Variants in EIF2AK4 observed in about 807,000 individuals in gnomAD.
The protein encoded by EIF2AK4 is eukaryotic translation initiation factor 2 alpha kinase 4.
Under a neutral mutation model 211.1 loss-of-function variants are expected in EIF2AK4, and 139 were observed. The ratio of observed to expected loss-of-function variants is 0.66; its 90% confidence interval spans 0.57 to 0.76. EIF2AK4 has a LOEUF of 0.76. Ranked by LOEUF, EIF2AK4 falls within the 30% of genes least tolerant of loss-of-function variation. EIF2AK4 has a pLI of 0.00. For synonymous variants in EIF2AK4, 710 were observed against 751.3 expected (o/e 0.94, Z 0.90); for missense variants, 1,664 against 2,043.8 (o/e 0.81, Z 3.58).
chr15:40,019,286 G>C (rs2035351578), intron 30 of EIF2AK4, 86 bp downstream of exon 30: 1 of 1,020,024 alleles, frequency 9.8e-7, no homozygotes, highest in African/African-American at 1.7e-5. Context: ...CATTTACATG[G>C]GGCTTCTGAT....
At chr15:40,022,775 C>T (rs1406026111) in intron 32 of EIF2AK4, among the ~76,000 whole-genome samples, 170 bp downstream of exon 32, 3 of 152,044 alleles carry the variant, frequency 2.0e-5, no homozygotes, top group African/African-American at 7.2e-5. Flanking sequence ...TCGCTGTCTC[C>T]CAGGCTGGAG....
At chr15:40,032,689 C>G in intron 36 of EIF2AK4, 68 bp from the exon 37 acceptor site, 1 of 1,437,438 alleles carries the variant, frequency 7.0e-7, no homozygotes, top group Non-Finnish European at 9.7e-7. Context: ...CTGCATTTCA[C>G]GTGACACTAT....
chr15:40,019,390 A>G (rs533316552), intron 30 of EIF2AK4, among the ~76,000 whole-genome samples, 190 bp downstream of exon 30: 1 of 152,318 alleles, frequency 6.6e-6, no homozygotes, highest in East Asian at 1.9e-4. Context: ...AGTCCTTATC[A>G]TCTGTTCTCT....
At position 39,981,988 on chromosome 15, in the gene EIF2AK4, G is replaced by A. The variant is rs546646962; in HGVS notation, c.2320-3817G>A. Among the ~76,000 whole-genome samples the A allele has an allele frequency of 1.3e-3, 194 of 146,148 alleles. 1 individual carries two copies. The South Asian group carries it at 0.04, about 30-fold the overall frequency. On this transcript the variant is annotated intron_variant, in intron 13 of 38. Coordinates refer to ENST00000263791, the MANE Select transcript of EIF2AK4 (RefSeq NM_001013703.4). ...CGCCCAGGCTGGAGTGCAGTGGCAC[G>A]ATCTCGGCTCACTGCAAGCTCCGCC...
chr15:39,954,079 C>A, intron 5 of EIF2AK4, 95 bp downstream of exon 5: 3 of 1,030,822 alleles, frequency 2.9e-6, no homozygotes, highest in Non-Finnish European at 4.0e-6. Flanking sequence ...AGTAATACAG[C>A]TTAAAATAAA....
Position 39,955,753 on chromosome 15 carries a change from C to A in EIF2AK4, c.728C>A (p.Ser243Tyr). The A allele has an allele frequency of 6.2e-7, 1 of 1,610,674 alleles. No individual in the cohort carries two copies. The highest frequency in any genetic ancestry group is 8.5e-7 in the Non-Finnish European group (1 of 1,179,062). Residue 243 changes from serine (S) to tyrosine (Y), a missense_variant, in exon 6 of 39, where the codon TCC becomes TAC. Physicochemically the swap from Ser to Tyr is moderately radical, Grantham distance 144 (BLOSUM62 -2). Around this residue, in one of 7 missense-constraint regions of EIF2AK4, gnomAD observed 641 missense variants for 729.6 expected, o/e 0.88. Coordinates refer to ENST00000263791, the MANE Select transcript of EIF2AK4 (RefSeq NM_001013703.4). ...FVGNGKHRAN[S>Y]SGRSRRERQY... ...GGAAATGGTAAACATCGGGCAAACT[C>A]CTCAGGAAGGTCTAGGTAAGTCCCT...
intron 32 of EIF2AK4, among the ~76,000 whole-genome samples, chr15:40,025,454 G>C (rs1595437034): frequency 6.6e-6 from 1 of 152,192 alleles, no homozygotes; most frequent in Non-Finnish European, 1.5e-5. Flanking sequence ...CCTAGGCCAA[G>C]GTTGGGTGCT....
Position 40,034,239 on chromosome 15 carries a change from G to T in EIF2AK4, c.4774-87G>T. Reference sequence around the variant, plus strand: ...TCCTGGTATACTTGAAGAGGGAAATGACACTGGAATTTCATTAGTGACCCA... The same window carrying T: ...TCCTGGTATACTTGAAGAGGGAAATTACACTGGAATTTCATTAGTGACCCA... On this transcript the variant is annotated intron_variant, in intron 37 of 38. Coordinates refer to ENST00000263791, the MANE Select transcript of EIF2AK4 (RefSeq NM_001013703.4). The T allele has an allele frequency of 3.1e-6, 3 of 968,532 alleles. No individual in the cohort carries two copies. The South Asian group carries it at 4.4e-5, about 14-fold the overall frequency. The allele number at this position is 968,532 out of a possible 1,614,324, so 60.0% of individuals were successfully genotyped here.
chr15:40,021,057 A>G lies in EIF2AK4; in HGVS notation c.4302+30A>G, dbSNP rs773940972. The stretch of plus-strand genomic sequence containing the variant: ...TGGGACAAAAAGCACCTGTGAGTGA[A>G]GTGCAAATTGCTATGGCTTTCATGG... On this transcript the variant is annotated intron_variant, in intron 31 of 38. Transcript: ENST00000263791. 1.9e-6 allele frequency: 3 copies of G among 1,607,124 alleles called. No homozygotes were observed. In the African/African-American group the frequency reaches 4.0e-5, roughly 22 times the overall value.
At chr15:39,965,623 C>G (rs1055957331) in intron 7 of EIF2AK4, 63 bp from the exon 8 acceptor site, 4 of 1,585,072 alleles carry the variant, frequency 2.5e-6, no homozygotes, top group Non-Finnish European at 3.4e-6. Context: ...TACCCCCTCC[C>G]TTCCTTCCCC....
chr15:40,007,240 G>C (rs80131200), intron 24 of EIF2AK4, among the ~76,000 whole-genome samples, 175 bp downstream of exon 24: 270 of 152,286 alleles, frequency 1.8e-3, no homozygotes, highest in African/African-American at 6.3e-3. Flanking sequence ...CTTCCTGTAA[G>C]GTAACTAGGA....
chr15:40,025,947 A>G, intron 32 of EIF2AK4, 30 bp from the exon 33 acceptor site: 2 of 1,604,388 alleles, frequency 1.2e-6, no homozygotes, highest in Non-Finnish European at 1.7e-6. Context: ...AGAAACCTCC[A>G]AATGATAGAT....
chr15:40,030,042 A>G (rs1407430748), intron 34 of EIF2AK4, among the ~76,000 whole-genome samples: 1 of 152,220 alleles, frequency 6.6e-6, no homozygotes, highest in Non-Finnish European at 1.5e-5. Context: ...TTAAAGAAGT[A>G]TGCAGGTTTG....
intron 23 of EIF2AK4, among the ~76,000 whole-genome samples, chr15:40,004,813 C>T (rs1280946079): frequency 6.6e-6 from 1 of 152,172 alleles, no homozygotes; most frequent in Non-Finnish European, 1.5e-5. Flanking sequence ...GCCTCAGCCT[C>T]CCAAAATACT....
chr15:40,020,982 CT>C lies in EIF2AK4; in HGVS notation c.4258del (p.Trp1420GlyfsTer71). 6.2e-7 allele frequency: 1 copy of C among 1,613,828 alleles called. No individual in the cohort carries two copies. The highest frequency in any genetic ancestry group is 1.1e-5 in the South Asian group (1 of 90,988). On this transcript the variant is annotated frameshift_variant, in exon 31 of 39. Coordinates refer to ENST00000263791, the MANE Select transcript of EIF2AK4 (RefSeq NM_001013703.4). LOFTEE classifies it high-confidence loss of function. ...GGGCCATCAACCTAACCCAGAAACT[CT>C]GGACAGCAGGCATCACAGCAGAAAT... ...SRAINLTQKL[W>X]TAGITAEIMY...
chr15:40,017,707 A>C (rs978543495), intron 29 of EIF2AK4, among the ~76,000 whole-genome samples: 3 of 150,386 alleles, frequency 2.0e-5, no homozygotes, highest in African/African-American at 7.3e-5. Flanking sequence ...CACCACACCC[A>C]GCTAATTTTT....
In EIF2AK4 at chr15:40,025,299, T is replaced by C. The variant is rs199948062; in HGVS notation, c.4390-678T>C. 1.8e-4 allele frequency among the ~76,000 whole-genome samples: 28 copies of C among 152,320 alleles called. No individual in the cohort carries two copies. The East Asian group carries it at 2.9e-3, about 16-fold the overall frequency. On this transcript the variant is annotated intron_variant, in intron 32 of 38. Transcript: ENST00000263791. ...GGAATCTGGTTTTTTTATTTAGCAG[T>C]TATTGGGGAGGCCCCGAATGTTTTG...
At chr15:39,995,251 GT>G (rs1464118106) in intron 18 of EIF2AK4, among the ~76,000 whole-genome samples, 6 of 152,120 alleles carry the variant, frequency 3.9e-5, no homozygotes, top group Non-Finnish European at 7.4e-5. Context: ...TGGTGCTTTT[GT>G]TCTATGTTTT....
At chr15:39,986,184 T>C (rs926843833) in intron 14 of EIF2AK4, among the ~76,000 whole-genome samples, 1 of 152,124 alleles carries the variant, frequency 6.6e-6, no homozygotes, top group African/African-American at 2.4e-5. Flanking sequence ...CAGCATCTTG[T>C]GCCTCAGTTT....
Sources: gnomAD v4.1 joint callset for allele counts (sites outside exome capture counted in the v4.1 genomes callset) on GRCh38, gnomAD v4.1.1 for gene constraint, gnomAD v4.1.1 regional missense constraint, MANE v1.5 for transcripts, NCBI Gene and HGNC (gene_info 2026-07-23, HGNC 2026-07-21) for gene names.